ACSL5: variants seen among roughly 807,000 people sequenced by gnomAD.
The protein encoded by ACSL5 is long-chain-fatty-acid--CoA ligase 5.
A neutral mutation model predicts 84.9 loss-of-function variants in ACSL5; 50 were observed. The ratio of observed to expected loss-of-function variants is 0.59; its 90% CI spans 0.47 to 0.75. The LOEUF (loss-of-function observed/expected upper bound fraction) is 0.75, where lower values mean the gene tolerates loss of function less well. Ranked by LOEUF, ACSL5 falls within the 30% of genes least tolerant of loss-of-function variation. The pLI is 0.00. For synonymous variants in ACSL5, 280 were observed against 300.7 expected (o/e 0.93, Z 0.71); for missense variants, 775 against 830.4 (o/e 0.93, Z 0.82).
chr10:112,425,567 A>C, intron 18 of ACSL5, 86 bp downstream of exon 18: 1 of 1,121,180 alleles, frequency 8.9e-7, no homozygotes, highest in Non-Finnish European at 1.2e-6. Context: ...AGTTGGGTTC[A>C]GAATGAGAAG....
intron 5 of ACSL5, among the ~76,000 whole-genome samples, chr10:112,405,182 A>G (rs996404293): frequency 2.0e-5 from 3 of 152,210 alleles, no homozygotes; most frequent in African/African-American, 7.2e-5. Context: ...TTGAACTAGT[A>G]AATTCAGCCA....
At chr10:112,388,135 T>C (rs1051859909) in intron 1 of ACSL5, among the ~76,000 whole-genome samples, 1 of 152,134 alleles carries the variant, frequency 6.6e-6, no homozygotes, top group African/African-American at 2.4e-5. Context: ...AGATGGGGTT[T>C]CGCCATGTTG....
At chr10:112,405,681 A>G (rs905383762) in intron 5 of ACSL5, among the ~76,000 whole-genome samples, 1 of 152,200 alleles carries the variant, frequency 6.6e-6, no homozygotes, top group Non-Finnish European at 1.5e-5. Flanking sequence ...GGTTAGGACC[A>G]CTGCCTATTC....
intron 1 of ACSL5, among the ~76,000 whole-genome samples, chr10:112,394,184 C>G (rs1036832026): frequency 6.6e-6 from 1 of 152,178 alleles, no homozygotes; most frequent in Non-Finnish European, 1.5e-5. Flanking sequence ...TTCTTGAGAT[C>G]TCTTCTTGAC....
Position 112,391,135 on chromosome 10 carries a change from T to C in ACSL5, c.-29-3783T>C, listed in dbSNP as rs185727832. 3.9e-3 allele frequency among the ~76,000 whole-genome samples: 597 copies of C among 152,242 alleles called. 2 individuals carry two copies. Among genetic ancestry groups the C allele is most frequent in the Non-Finnish European group, 6.9e-3 (468 of 67,996 alleles). On this transcript the variant is annotated intron_variant, in intron 1 of 20. Transcript: ENST00000354655. ...GGCTCATGCCTGTAATCCCAGCACT[T>C]TGGGAGGCCAAGGCGGGCGGATCAC...
rs762277991 is a variant in ACSL5, at chr10:112,426,783, C to T, written c.1840-5C>T. ...CATGCTTTAAGTGATGTTTTGTATT[C>T]TTAGGTTGTAAGGGAAGCCATTTTA... is the stretch of plus-strand genomic sequence containing the variant. On this transcript the variant is annotated splice_region_variant and splice_polypyrimidine_tract_variant and intron_variant, in intron 19 of 20. Coordinates refer to ENST00000354655, the MANE Select transcript of ACSL5 (RefSeq NM_203379.2). 9 of 1,613,446 alleles carry T rather than the reference C, an allele frequency of 5.6e-6. No homozygotes were observed. The highest frequency in any genetic ancestry group is 2.2e-5 in the South Asian group (2 of 91,038).
chr10:112,419,140 ATAT>A (rs1564742920), intron 14 of ACSL5: 1 of 145,968 alleles, frequency 6.9e-6, no homozygotes, highest in African/African-American at 2.4e-5. Flanking sequence ...GTAATAATGT[ATAT>A]TATCAAACTT....
intron 2 of ACSL5, among the ~76,000 whole-genome samples, chr10:112,397,785 A>T (rs1367946185): frequency 6.6e-6 from 1 of 152,118 alleles, no homozygotes; most frequent in African/African-American, 2.4e-5. Context: ...TTTCCTTATG[A>T]CCTACCCATA....
At chr10:112,410,660 T>C in intron 9 of ACSL5, 25 bp downstream of exon 9, 1 of 1,608,140 alleles carries the variant, frequency 6.2e-7, no homozygotes, top group South Asian at 1.1e-5. Flanking sequence ...AACTGAACCT[T>C]AGACCCCTGG....
chr10:112,401,853 T>G (rs1843916132), intron 3 of ACSL5, among the ~76,000 whole-genome samples: 1 of 143,882 alleles, frequency 7.0e-6, no homozygotes, highest in Non-Finnish European at 1.6e-5. Flanking sequence ...CCTTCCTTCC[T>G]TCCTTTCTTT....
At chr10:112,376,310 A>G (rs1849237231) in intron 1 of ACSL5, 1 of 1,614,176 alleles carries the variant, frequency 6.2e-7, no homozygotes, top group African/African-American at 1.3e-5. Flanking sequence ...TTCTGCCTGC[A>G]TGGACGCTCT....
chr10:112,376,006 T>A (rs1228405453), intron 1 of ACSL5, among the ~76,000 whole-genome samples: 1 of 152,120 alleles, frequency 6.6e-6, no homozygotes, highest in African/African-American at 2.4e-5. Context: ...GTCATTTTAG[T>A]TTGTTTGTTT....
intron 1 of ACSL5, among the ~76,000 whole-genome samples, chr10:112,390,102 AAG>A (rs34575343): frequency 0.49 from 73,815 of 151,548 alleles, 18,060 homozygotes; most frequent in South Asian, 0.58. Flanking sequence ...AAAAATAAAA[AAG>A]AGATTATCAA....
At chr10:112,393,913 C>T (rs1277913890) in intron 1 of ACSL5, among the ~76,000 whole-genome samples, 1 of 152,110 alleles carries the variant, frequency 6.6e-6, no homozygotes, top group Non-Finnish European at 1.5e-5. Flanking sequence ...GTTGTTTGGC[C>T]TAAATTAAAC....
rs147168860 is a variant in ACSL5, at chr10:112,375,993, C to T, written c.-30+1724C>T. ...AGGCTTCTGATCTGAGGGGGCACCT[C>T]AAGTCATTTTAGTTTGTTTGTTTTC... On this transcript the variant is annotated intron_variant, in intron 1 of 20. Coordinates refer to ENST00000354655, the MANE Select transcript of ACSL5 (RefSeq NM_203379.2). Among the ~76,000 whole-genome samples the T allele has an allele frequency of 4.6e-5, 7 of 152,256 alleles. No homozygotes were observed. The East Asian group carries it at 1.4e-3, about 29-fold the overall frequency.
chr10:112,428,217 C>T lies in ACSL5; in HGVS notation c.*859C>T. On this transcript the variant is annotated 3_prime_UTR_variant, in exon 21 of 21. Transcript: ENST00000354655. ...CTCCTGAACTGGGAACAAAGATCTA[C>T]AGGCAAGCAAGATGCCCACACAACA... is the stretch of plus-strand genomic sequence containing the variant. 2.7e-6 allele frequency: 1 copy of T among 375,010 alleles called. No individual in the cohort carries two copies. Among genetic ancestry groups the T allele is most frequent in the Non-Finnish European group, 4.7e-6 (1 of 211,608 alleles). 23.2% of individuals were successfully genotyped at this position (375,010 alleles called of 1,614,324 possible).
chr10:112,387,489 G>A (rs1849476450), intron 1 of ACSL5, among the ~76,000 whole-genome samples: 1 of 152,192 alleles, frequency 6.6e-6, no homozygotes, highest in African/African-American at 2.4e-5. Context: ...TGTAGTCAAG[G>A]ACTGAGAGAG....
chr10:112,410,545 A>C, intron 8 of ACSL5, 39 bp from the exon 9 acceptor site: 1 of 1,614,148 alleles, frequency 6.2e-7, no homozygotes, highest in Non-Finnish European at 8.5e-7. Context: ...CAACTCTCAA[A>C]GTTCATGGTG....
chr10:112,403,895 G>T (rs1221209422), intron 3 of ACSL5, among the ~76,000 whole-genome samples: 5 of 152,148 alleles, frequency 3.3e-5, no homozygotes, highest in African/African-American at 1.2e-4. Context: ...TCATCGACTG[G>T]CCATTGAAAC....
Sources: gnomAD v4.1 joint callset for allele counts (sites outside exome capture counted in the v4.1 genomes callset) on GRCh38, gnomAD v4.1.1 for gene constraint, MANE v1.5 for transcripts, NCBI Gene and HGNC (gene_info 2026-07-23, HGNC 2026-07-21) for gene names.